The following MICU1 variants were observed in gnomAD, a reference collection of about 807,000 sequenced individuals.
The protein encoded by MICU1 is mitochondrial calcium uptake 1.
Under a neutral mutation model 56.8 loss-of-function variants are expected in MICU1, and 45 were observed. That is an observed-to-expected ratio of 0.79 (90% CI 0.62 to 1.02). The LOEUF (loss-of-function observed/expected upper bound fraction) is 1.02, where lower values mean the gene tolerates loss of function less well. Among genes scored for constraint, MICU1 ranks in the 50% least tolerant of loss-of-function variants. MICU1 has a pLI of 0.00. For missense variants in MICU1, 504 were observed against 587.1 expected (o/e 0.86, Z 1.46); for synonymous variants, 186 against 195.1 (o/e 0.95, Z 0.39).
intron 10 of MICU1, among the ~76,000 whole-genome samples, chr10:72,394,637 A>C (rs1402027599): frequency 6.6e-6 from 1 of 151,798 alleles, no homozygotes; most frequent in African/African-American, 2.4e-5. Flanking sequence ...GAAAAAAAAA[A>C]AACCCACCCA....
rs1036514348 is a variant in MICU1 at position 72,456,863 on chromosome 10, G to C, written c.933+18237C>G. Among the ~76,000 whole-genome samples, 10 of 25,658 alleles carry C rather than the reference G, an allele frequency of 3.9e-4. 1 individual carries two copies. Among genetic ancestry groups the C allele is most frequent in the Admixed American group, 2.7e-3 (10 of 3,660 alleles). The allele number at this position is 25,658 out of a possible 152,430, so 16.8% of individuals were successfully genotyped here. On this transcript the variant is annotated intron_variant, in intron 8 of 11. Coordinates refer to ENST00000361114, the MANE Select transcript of MICU1 (RefSeq NM_001195518.2). ...CCGGGCTCATTTTGTGTGTGTGTGT[G>C]TGTGTGTGTGTGTGTGTGTGTGTGT...
intron 4 of MICU1, among the ~76,000 whole-genome samples, chr10:72,535,710 A>G (rs1381721982): frequency 6.6e-6 from 1 of 152,218 alleles, no homozygotes; most frequent in Non-Finnish European, 1.5e-5. Flanking sequence ...CAAAGGCAGG[A>G]GAATCAGAAT....
At chr10:72,401,535 T>C (rs1405789237) in intron 10 of MICU1, among the ~76,000 whole-genome samples, 1 of 152,086 alleles carries the variant, frequency 6.6e-6, no homozygotes, top group African/African-American at 2.4e-5. Flanking sequence ...GCACCTATAG[T>C]CCCAGCTACT....
intron 1 of MICU1, among the ~76,000 whole-genome samples, chr10:72,591,884 G>T (rs1162886396): frequency 6.6e-6 from 1 of 151,868 alleles, no homozygotes; most frequent in Non-Finnish European, 1.5e-5. Flanking sequence ...TGGTGTGTGC[G>T]CCTGGAATCT....
intron 3 of MICU1, among the ~76,000 whole-genome samples, chr10:72,561,563 G>A (rs1270726706): frequency 6.6e-6 from 1 of 152,188 alleles, no homozygotes; most frequent in Non-Finnish European, 1.5e-5. Flanking sequence ...TATAAACCCA[G>A]CACTTTGGCA....
chr10:72,477,113 G>T, intron 7 of MICU1, 61 bp downstream of exon 7: 2 of 1,299,622 alleles, frequency 1.5e-6, no homozygotes, highest in South Asian at 1.5e-5. Context: ...GTAACTCCAA[G>T]GCACATGAAA....
At chr10:72,395,005 C>G (rs927817713) in intron 10 of MICU1, among the ~76,000 whole-genome samples, 17 of 151,982 alleles carry the variant, frequency 1.1e-4, no homozygotes, top group African/African-American at 4.1e-4. Flanking sequence ...ATGGTGAAAC[C>G]CCATCTCTAC....
At chr10:72,516,887 G>A (rs1318750145) in intron 5 of MICU1, among the ~76,000 whole-genome samples, 3 of 152,184 alleles carry the variant, frequency 2.0e-5, no homozygotes, top group African/African-American at 7.2e-5. Context: ...AAGAAGTAGA[G>A]AGGGAGAGAA....
At chr10:72,390,777 G>A (rs903745872) in intron 10 of MICU1, among the ~76,000 whole-genome samples, 9 of 152,200 alleles carry the variant, frequency 5.9e-5, no homozygotes, top group Admixed American at 3.9e-4. Context: ...ATAAATTAGG[G>A]CCTCCACTTT....
chr10:72,523,799 T>C (rs1867891547), intron 5 of MICU1: 1 of 1,477,918 alleles, frequency 6.8e-7, no homozygotes, highest in Non-Finnish European at 8.9e-7. Context: ...ATTTAAAAAG[T>C]ACCTTTAGGA....
intron 9 of MICU1, among the ~76,000 whole-genome samples, chr10:72,422,515 G>A (rs946719753): frequency 1.3e-5 from 2 of 151,954 alleles, no homozygotes; most frequent in Admixed American, 1.3e-4. Flanking sequence ...ACTTTTCATC[G>A]AATAGGGATG....
At chr10:72,591,932 A>G (rs1402559439) in intron 1 of MICU1, among the ~76,000 whole-genome samples, 1 of 150,394 alleles carries the variant, frequency 6.6e-6, no homozygotes, top group Admixed American at 6.6e-5. Flanking sequence ...GATTGCTTGA[A>G]CCCAAGAGGC....
rs1864238682 is a variant in MICU1, at chr10:72,423,294, C to T, written c.1011G>A (p.Val337=). The change falls in exon 9 of 12, where the codon GTG becomes GTA. Residue 337 remains valine (V), a synonymous_variant. Coordinates refer to ENST00000361114, the MANE Select transcript of MICU1 (RefSeq NM_001195518.2). Reference sequence around the variant, plus strand: ...GCATGGCGGTCAGCTTCTTGGACTGCACCCCACTGTAGGCAAGTAGCATGC... The same window carrying T: ...GCATGGCGGTCAGCTTCTTGGACTGTACCCCACTGTAGGCAAGTAGCATGC... ...FGGMLLAYSG[V]QSKKLTAMQR... 6.2e-7 allele frequency: 1 copy of T among 1,613,976 alleles called. No individual in the cohort carries two copies. Among genetic ancestry groups the T allele is most frequent in the South Asian group, 1.1e-5 (1 of 91,082 alleles).
intron 5 of MICU1, among the ~76,000 whole-genome samples, chr10:72,516,649 A>G (rs1039303198): frequency 2.6e-5 from 4 of 152,204 alleles, no homozygotes; most frequent in South Asian, 4.1e-4. Flanking sequence ...AGTTTTCTGC[A>G]TATGGCTAGT....
intron 1 of MICU1, among the ~76,000 whole-genome samples, chr10:72,590,847 T>TA (rs71021512): frequency 1.2e-3 from 167 of 139,776 alleles, no homozygotes; most frequent in East Asian, 7.9e-3. Context: ...AAATAAAAAT[T>TA]AAAAAAAAAA....
intron 11 of MICU1, among the ~76,000 whole-genome samples, chr10:72,369,090 C>A (rs928495445): frequency 6.6e-6 from 1 of 151,954 alleles, no homozygotes; most frequent in Admixed American, 6.6e-5. Flanking sequence ...CCAGCCTAGA[C>A]AATATAGCGA....
chr10:72,421,459 G>T (rs1864172369), intron 9 of MICU1, among the ~76,000 whole-genome samples: 1 of 152,104 alleles, frequency 6.6e-6, no homozygotes, highest in African/African-American at 2.4e-5. Flanking sequence ...ATTTTTAGTA[G>T]AGACAGGGTT....
intron 10 of MICU1, among the ~76,000 whole-genome samples, chr10:72,404,082 T>G (rs941543605): frequency 6.6e-6 from 1 of 151,946 alleles, no homozygotes; most frequent in Admixed American, 6.6e-5. Flanking sequence ...CTCTGCCTCC[T>G]GGGTTCTAGC....
chr10:72,485,411 C>T (rs1161709925), intron 6 of MICU1, among the ~76,000 whole-genome samples: 1 of 151,862 alleles, frequency 6.6e-6, no homozygotes, highest in African/African-American at 2.4e-5. Flanking sequence ...ATAATAATGG[C>T]ACCTGACATT....
Sources: allele counts gnomAD v4.1 joint callset (sites outside exome capture counted in the v4.1 genomes callset), GRCh38; gene constraint gnomAD v4.1.1; transcripts MANE v1.5; gene names NCBI Gene and HGNC (gene_info 2026-07-23, HGNC 2026-07-21).